Variants in EVA1A observed in about 807,000 individuals in gnomAD.
The protein encoded by EVA1A is eva-1 homolog A, regulator of programmed cell death, also known as protein eva-1 homolog A.
A neutral mutation model predicts 9.8 loss-of-function variants in EVA1A; 7 were observed. The observed-to-expected ratio is 0.71, with a 90% confidence interval of 0.41 to 1.34. The LOEUF (loss-of-function observed/expected upper bound fraction) is 1.34. Among genes scored for constraint, EVA1A ranks in the 40% most tolerant of loss-of-function variants. EVA1A has a pLI of 0.01. For synonymous variants in EVA1A, 90 were observed against 85.6 expected, an observed-to-expected ratio of 1.05 and a Z score of -0.28; for missense variants, 206 against 205.9, an observed-to-expected ratio of 1.00 and a Z score of 0.00.
At chr2:75,557,627 G>A (rs1031682988) in intron 1 of EVA1A, among the ~76,000 whole-genome samples, 4 of 152,168 alleles carry the variant, frequency 2.6e-5, no homozygotes, top group East Asian at 1.9e-4. Context: ...CAGAGTTTTC[G>A]ACCCCAAGTC....
At chr2:75,533,872 C>G (rs190739845) in intron 1 of EVA1A, among the ~76,000 whole-genome samples, 3 of 151,708 alleles carry the variant, frequency 2.0e-5, no homozygotes, top group African/African-American at 7.3e-5. Flanking sequence ...AGTGCAGTGG[C>G]GCGATCTTGG....
intron 3 of EVA1A, among the ~76,000 whole-genome samples, chr2:75,513,760 T>A (rs1572957310): frequency 6.6e-6 from 1 of 152,312 alleles, no homozygotes; most frequent in Admixed American, 6.5e-5. Context: ...TGGAATATAT[T>A]ACACTGAGTA....
intron 2 of EVA1A, among the ~76,000 whole-genome samples, chr2:75,521,959 C>G (rs188559423): frequency 1.1e-3 from 164 of 152,244 alleles, no homozygotes; most frequent in South Asian, 1.7e-3. Context: ...GCAGAGTTAT[C>G]TTTTAGCGGT....
chr2:75,548,766 A>G (rs1676417195), intron 1 of EVA1A, among the ~76,000 whole-genome samples: 1 of 151,792 alleles, frequency 6.6e-6, no homozygotes, highest in Non-Finnish European at 1.5e-5. Context: ...CTCCTAGAGC[A>G]CCCTGTTCTT....
intron 3 of EVA1A, among the ~76,000 whole-genome samples, chr2:75,506,758 C>T (rs1377611582): frequency 6.6e-6 from 1 of 152,148 alleles, no homozygotes; most frequent in Non-Finnish European, 1.5e-5. Flanking sequence ...GACACATGGC[C>T]AGGACCAGAA....
At chr2:75,549,743 TA>T (rs1042483515) in intron 1 of EVA1A, among the ~76,000 whole-genome samples, 1 of 152,092 alleles carries the variant, frequency 6.6e-6, no homozygotes, top group African/African-American at 2.4e-5. Flanking sequence ...GAAAGAAAAA[TA>T]CCCCAAGGCC....
At chr2:75,549,267 C>A (rs1426980428) in intron 1 of EVA1A, among the ~76,000 whole-genome samples, 3 of 151,904 alleles carry the variant, frequency 2.0e-5, no homozygotes, top group Non-Finnish European at 2.9e-5. Flanking sequence ...AAATTCAGAC[C>A]CTGTGGAATA....
At chr2:75,567,544 G>A (rs752505012) in intron 1 of EVA1A, among the ~76,000 whole-genome samples, 1 of 152,138 alleles carries the variant, frequency 6.6e-6, no homozygotes, top group Non-Finnish European at 1.5e-5. Flanking sequence ...AAATCATACC[G>A]AGCTCTTAAT....
At chr2:75,536,908 C>A (rs1675926656) in intron 1 of EVA1A, among the ~76,000 whole-genome samples, 1 of 152,148 alleles carries the variant, frequency 6.6e-6, no homozygotes, top group South Asian at 2.1e-4. Flanking sequence ...ACTTCTACAC[C>A]ATCTCTTCCA....
intron 1 of EVA1A, among the ~76,000 whole-genome samples, chr2:75,522,806 T>C (rs1675279504): frequency 6.6e-6 from 1 of 152,236 alleles, no homozygotes; most frequent in African/African-American, 2.4e-5. Context: ...GATGTCCCAA[T>C]CTGGCCCCTC....
chr2:75,524,045 G>A (rs1000802989), intron 1 of EVA1A: 2 of 152,052 alleles, frequency 1.3e-5, no homozygotes, highest in Non-Finnish European at 2.9e-5. Context: ...TTTTATAAGG[G>A]GCATTTCCCC....
In EVA1A at chr2:75,525,129, C is replaced by T. The variant is rs149669938; in HGVS notation, c.-191-2642G>A. Among the ~76,000 whole-genome samples, 698 of 152,028 alleles carry T rather than the reference C, an allele frequency of 4.6e-3. 6 individuals carry two copies. The highest frequency in any genetic ancestry group is 0.017 in the South Asian group (84 of 4,808). Reference sequence around the variant, plus strand: ...TACAATGTATATATGTATGTATGCACGCATGTATATATGTATGTGTACATG... The same window carrying T: ...TACAATGTATATATGTATGTATGCATGCATGTATATATGTATGTGTACATG... On this transcript the variant is annotated intron_variant, in intron 1 of 3. Coordinates refer to ENST00000393913, the MANE Select transcript of EVA1A (RefSeq NM_001135032.2).
rs1319602614 is a variant in EVA1A at position 75,493,026 on chromosome 2, G to A, written c.*210C>T. 3.0e-6 allele frequency: 2 copies of A among 665,576 alleles called. No homozygotes were observed. Among genetic ancestry groups the A allele is most frequent in the Non-Finnish European group, 5.1e-6 (2 of 395,688 alleles). The allele number at this position is 665,576 out of a possible 1,614,324, so 41.2% of individuals were successfully genotyped here. ...ATTTTTCAGCACCATTCCGAGACCTGGAAAGGGTGATGAACTGCTTTGATT... is the reference window on the plus strand; with the variant it reads ...ATTTTTCAGCACCATTCCGAGACCTAGAAAGGGTGATGAACTGCTTTGATT... On this transcript the variant is annotated 3_prime_UTR_variant, in exon 4 of 4. Coordinates refer to ENST00000393913, the MANE Select transcript of EVA1A (RefSeq NM_001135032.2).
chr2:75,565,138 C>T (rs1677001454), upstream of EVA1A, among the ~76,000 whole-genome samples: 1 of 152,194 alleles, frequency 6.6e-6, no homozygotes, highest in Non-Finnish European at 1.5e-5. Flanking sequence ...CTGGAGACTG[C>T]TCGCCCTTCA....
chr2:75,550,558 G>A (rs930824255), intron 1 of EVA1A, among the ~76,000 whole-genome samples: 1 of 152,226 alleles, frequency 6.6e-6, no homozygotes, highest in African/African-American at 2.4e-5. Context: ...TTGAGTGGGT[G>A]ATATACTGAA....
At chr2:75,557,747 TC>T (rs1676765343) in intron 1 of EVA1A, among the ~76,000 whole-genome samples, 1 of 152,182 alleles carries the variant, frequency 6.6e-6, no homozygotes, top group South Asian at 2.1e-4. Flanking sequence ...AGCATCAAGA[TC>T]AGTGGTGCTA....
chr2:75,561,832 G>C (rs533717655), upstream of EVA1A, among the ~76,000 whole-genome samples: 29 of 152,216 alleles, frequency 1.9e-4, no homozygotes, highest in African/African-American at 6.8e-4. Context: ...GTTAGGAAAG[G>C]AGAGGAGCTC....
intron 1 of EVA1A, among the ~76,000 whole-genome samples, chr2:75,544,962 G>C (rs1261459872): frequency 6.6e-6 from 1 of 152,128 alleles, no homozygotes; most frequent in Admixed American, 6.5e-5. Flanking sequence ...AATGTCATGA[G>C]GCTACAGTGT....
intron 3 of EVA1A, among the ~76,000 whole-genome samples, chr2:75,502,321 A>G (rs762368021): frequency 2.0e-5 from 3 of 152,168 alleles, no homozygotes; most frequent in South Asian, 2.1e-4. Flanking sequence ...GGGTTTTCAG[A>G]CCATGAAGGT....
Sources: gnomAD v4.1 joint callset for allele counts (sites outside exome capture counted in the v4.1 genomes callset) on GRCh38, gnomAD v4.1.1 for gene constraint, MANE v1.5 for transcripts, NCBI Gene and HGNC (gene_info 2026-07-23, HGNC 2026-07-21) for gene names.